GRAP2: variants seen among roughly 807,000 people sequenced by gnomAD.
The protein encoded by GRAP2 is GRB2 related adaptor protein 2.
Under a neutral mutation model 43.5 loss-of-function variants are expected in GRAP2, and 31 were observed. The ratio of observed to expected loss-of-function variants is 0.71; its 90% CI spans 0.54 to 0.96. The LOEUF is 0.96. Among genes scored for constraint, GRAP2 ranks in the 40% least tolerant of loss-of-function variants. The probability of loss-of-function intolerance (pLI) is 0.00; values close to 1 mark genes in which losing one functional copy is unlikely to be tolerated. For missense variants in GRAP2, 371 were observed against 424.4 expected (o/e 0.87, Z 1.11); for synonymous variants, 156 against 164.8 (o/e 0.95, Z 0.41).
At chr22:39,904,509 G>T (rs957036218) in intron 1 of GRAP2, among the ~76,000 whole-genome samples, 1 of 152,208 alleles carries the variant, frequency 6.6e-6, no homozygotes, top group Non-Finnish European at 1.5e-5. Context: ...ACTCTTTGCC[G>T]TATTTGCTCC....
chr22:39,968,152 C>T lies in GRAP2; in HGVS notation c.570C>T (p.Pro190=). ...TGAACCGGAAGCTGTCGGATCACCCCCCGACCCTTCCCCTGCAGCAGCACC... is the reference window on the plus strand; with the variant it reads ...TGAACCGGAAGCTGTCGGATCACCCTCCGACCCTTCCCCTGCAGCAGCACC... ...PSMNRKLSDH[P]PTLPLQQHQH... The change falls in exon 6 of 8, where the codon CCC becomes CCT. Residue 190 remains proline, a synonymous_variant. Transcript: ENST00000344138. 1.2e-6 allele frequency: 2 copies of T among 1,607,094 alleles called. No homozygotes were observed. Among genetic ancestry groups the T allele is most frequent in the Non-Finnish European group, 1.7e-6 (2 of 1,176,882 alleles).
chr22:39,962,951 G>A (rs899645061), intron 4 of GRAP2, among the ~76,000 whole-genome samples: 5 of 152,168 alleles, frequency 3.3e-5, no homozygotes, highest in Admixed American at 6.5e-5. Flanking sequence ...TTACAGGCGC[G>A]ACCCACTGTG....
chr22:39,938,191 A>C (rs1394219774), intron 1 of GRAP2, among the ~76,000 whole-genome samples: 1 of 152,136 alleles, frequency 6.6e-6, no homozygotes, highest in African/African-American at 2.4e-5. Context: ...CCCTCCCTCC[A>C]AAACCCAAAA....
chr22:39,950,402 C>T (rs2066969802), intron 2 of GRAP2, among the ~76,000 whole-genome samples: 1 of 152,208 alleles, frequency 6.6e-6, no homozygotes, highest in Admixed American at 6.5e-5. Context: ...CCGTGGGATC[C>T]TAATTGCTCG....
intron 2 of GRAP2, among the ~76,000 whole-genome samples, chr22:39,951,611 A>C (rs1400420368): frequency 6.6e-6 from 1 of 152,198 alleles, no homozygotes; most frequent in Non-Finnish European, 1.5e-5. Context: ...AGAATTAAGA[A>C]ACAGTCAAGA....
intron 1 of GRAP2, among the ~76,000 whole-genome samples, chr22:39,923,533 A>G (rs1207604311): frequency 6.6e-6 from 1 of 152,158 alleles, no homozygotes; most frequent in African/African-American, 2.4e-5. Context: ...CCTCCCCACT[A>G]GAAGGTAAGC....
At chr22:39,951,256 C>T (rs946738393) in intron 2 of GRAP2, among the ~76,000 whole-genome samples, 1 of 152,184 alleles carries the variant, frequency 6.6e-6, no homozygotes, top group African/African-American at 2.4e-5. Context: ...TGCCACAAAC[C>T]ACCATACCTG....
At chr22:39,919,462 T>C (rs1218382571) in intron 1 of GRAP2, among the ~76,000 whole-genome samples, 1 of 152,250 alleles carries the variant, frequency 6.6e-6, no homozygotes, top group East Asian at 1.9e-4. Context: ...TTTAGAGTCA[T>C]TGTCCTTGCT....
Position 39,901,296 on chromosome 22 carries a change from C to T in GRAP2, c.-49C>T. 1 of 1,277,810 alleles carries T rather than the reference C, an allele frequency of 7.8e-7. No homozygotes were observed. Among genetic ancestry groups the T allele is most frequent in the Non-Finnish European group, 1.0e-6 (1 of 978,346 alleles). The allele number at this position is 1,277,810 out of a possible 1,614,324, so 79.2% of individuals were successfully genotyped here. A position where few individuals can be genotyped will look rare whatever the true frequency, so the allele number is the denominator to read the frequency against. On this transcript the variant is annotated 5_prime_UTR_variant, in exon 1 of 8. Transcript: ENST00000344138. ...GGATTCTAATAACTCGGTGTCAAAG[C>T]CAAGACATAAACTCAACCCCTTCTC...
chr22:39,916,333 A>C (rs1245702916), intron 1 of GRAP2, among the ~76,000 whole-genome samples: 1 of 152,156 alleles, frequency 6.6e-6, no homozygotes, highest in African/African-American at 2.4e-5. Context: ...CGGACCCAAA[A>C]CATCCTGCAA....
At chr22:39,916,938 T>A (rs2066607965) in intron 1 of GRAP2, among the ~76,000 whole-genome samples, 1 of 152,208 alleles carries the variant, frequency 6.6e-6, no homozygotes, top group Admixed American at 6.5e-5. Context: ...TAATAAGTAC[T>A]CAATAATTAT....
intron 2 of GRAP2, among the ~76,000 whole-genome samples, chr22:39,950,451 G>A (rs572247619): frequency 6.6e-6 from 1 of 152,336 alleles, no homozygotes; most frequent in South Asian, 2.1e-4. Context: ...AGCTGTGCAA[G>A]GGCAGGGGCT....
intron 1 of GRAP2, among the ~76,000 whole-genome samples, chr22:39,917,982 C>T (rs2066616640): frequency 6.6e-6 from 1 of 152,166 alleles, no homozygotes; most frequent in Non-Finnish European, 1.5e-5. Context: ...CAAAATAATA[C>T]ATTTTCTGGC....
chr22:39,897,843 CTCT>C (rs1176409586), upstream of GRAP2, among the ~76,000 whole-genome samples: 2 of 152,106 alleles, frequency 1.3e-5, no homozygotes, highest in South Asian at 4.1e-4. Flanking sequence ...TAACTGGTCT[CTCT>C]TCTTCTGTTC....
At chr22:39,924,127 G>T (rs2066677425) in intron 1 of GRAP2, among the ~76,000 whole-genome samples, 2 of 152,186 alleles carry the variant, frequency 1.3e-5, no homozygotes, top group Admixed American at 1.3e-4. Context: ...TTAGCAGAGT[G>T]ATTATTCCTC....
rs2066934714 is a variant in GRAP2 at position 39,947,398 on chromosome 22, C to T, written c.78+214C>T. The T allele has an allele frequency of 1.3e-5, 7 of 553,142 alleles. 1 individual carries two copies. Among genetic ancestry groups the T allele is most frequent in the South Asian group, 6.5e-5 (3 of 46,178 alleles). The allele number at this position is 553,142 out of a possible 1,614,324, so 34.3% of individuals were successfully genotyped here. A position where few individuals can be genotyped will look rare whatever the true frequency, so the allele number is the denominator to read the frequency against. On this transcript the variant is annotated intron_variant, in intron 2 of 7. Coordinates refer to ENST00000344138, the MANE Select transcript of GRAP2 (RefSeq NM_004810.4). ...GCCACCATCCTTGTCCTGGGAGGTTCGTAGTCTGGAGAGGGGAACACATCC... is the reference window on the plus strand; with the variant it reads ...GCCACCATCCTTGTCCTGGGAGGTTTGTAGTCTGGAGAGGGGAACACATCC...
chr22:39,935,409 C>T (rs1276713224), intron 1 of GRAP2, among the ~76,000 whole-genome samples: 4 of 152,030 alleles, frequency 2.6e-5, no homozygotes, highest in African/African-American at 9.7e-5. Flanking sequence ...AGGATAGGGG[C>T]ACTATTTAAT....
upstream of GRAP2, among the ~76,000 whole-genome samples, chr22:39,897,082 C>G (rs924930120): frequency 6.6e-6 from 1 of 152,204 alleles, no homozygotes; most frequent in Admixed American, 6.5e-5. Flanking sequence ...AAATACTCTT[C>G]GATTCTGACA....
intron 1 of GRAP2, among the ~76,000 whole-genome samples, chr22:39,934,305 G>C (rs1260378845): frequency 1.3e-5 from 2 of 152,074 alleles, no homozygotes; most frequent in African/African-American, 4.8e-5. Flanking sequence ...ATTAAAGGGT[G>C]GTCAATGACA....
Sources: gnomAD v4.1 joint callset for allele counts (sites outside exome capture counted in the v4.1 genomes callset) on GRCh38, gnomAD v4.1.1 for gene constraint, MANE v1.5 for transcripts, NCBI Gene and HGNC (gene_info 2026-07-23, HGNC 2026-07-21) for gene names.